Variants in RBM20 observed in about 807,000 individuals in gnomAD.
RBM20 encodes the protein RNA-binding protein 20.
RBM20 carries 51 observed loss-of-function variants against 110.1 expected under a neutral mutation model. That is an observed-to-expected ratio of 0.46 (90% CI 0.37 to 0.59). RBM20 has a LOEUF of 0.59. RBM20 is among the 20% of genes least tolerant of loss of function. The probability of loss-of-function intolerance (pLI) is 0.00; values close to 1 mark genes in which losing one functional copy is unlikely to be tolerated. For missense variants in RBM20, 1,512 were observed against 1,574.9 expected (o/e 0.96, Z 0.68); for synonymous variants, 589 against 618.2 (o/e 0.95, Z 0.70).
chr10:110,828,836 TG>T (rs147783873), intron 12 of RBM20, among the ~76,000 whole-genome samples: 6,662 of 152,244 alleles, frequency 0.044, 239 homozygotes, highest in African/African-American at 0.1. Flanking sequence ...TTTTGTTTTT[TG>T]TTTGTTTGTT....
intron 1 of RBM20, among the ~76,000 whole-genome samples, chr10:110,772,630 G>A (rs1226436108): frequency 6.6e-6 from 1 of 152,202 alleles, no homozygotes; most frequent in Non-Finnish European, 1.5e-5. Context: ...GCCTAGGTGT[G>A]TATGTACACT....
intron 7 of RBM20, among the ~76,000 whole-genome samples, chr10:110,805,216 T>C (rs1233635698): frequency 6.6e-6 from 1 of 152,122 alleles, no homozygotes; most frequent in Non-Finnish European, 1.5e-5. Flanking sequence ...AGAAGTTCCA[T>C]GGCAAAAGGC....
chr10:110,760,008 G>A, intron 1 of RBM20, among the ~76,000 whole-genome samples: 1 of 152,152 alleles, frequency 6.6e-6, no homozygotes, highest in East Asian at 1.9e-4. Flanking sequence ...GGTGGTGGGG[G>A]GCACAGGGGA....
chr10:110,646,581 G>A (rs10749040), intron 1 of RBM20, among the ~76,000 whole-genome samples: 150,291 of 152,322 alleles, frequency 0.99, 74,181 homozygotes, highest in East Asian at 1. Flanking sequence ...TGATGTTTGC[G>A]CACTGACGTT....
chr10:110,828,272 G>C (rs1845007287), intron 12 of RBM20, among the ~76,000 whole-genome samples: 1 of 152,196 alleles, frequency 6.6e-6, no homozygotes, highest in South Asian at 2.1e-4. Context: ...AATATGTCTT[G>C]ATGCTGCCTC....
intron 1 of RBM20, among the ~76,000 whole-genome samples, chr10:110,677,642 A>G (rs1456359237): frequency 6.6e-6 from 1 of 152,242 alleles, no homozygotes; most frequent in Non-Finnish European, 1.5e-5. Context: ...AAAGGGGACA[A>G]ATATTCAAAC....
chr10:110,821,631 G>A lies in RBM20; in HGVS notation c.3012G>A (p.Leu1004=), dbSNP rs1844911984. The A allele has an allele frequency of 6.4e-7, 1 of 1,551,716 alleles. No homozygotes were observed. The highest frequency in any genetic ancestry group is 2.4e-5 in the East Asian group (1 of 40,924). Residue 1004 remains leucine, a synonymous_variant, in exon 11 of 14, where the codon CTG becomes CTA. Coordinates refer to ENST00000369519, the MANE Select transcript of RBM20 (RefSeq NM_001134363.3). ...ACGTGGAAATGCCTGGCCTAAATCT[G>A]GATGCTGAGCGGAAGCCAGCTGAAA... ...DMDVEMPGLN[L]DAERKPAESE...
In RBM20 at chr10:110,820,072, G is replaced by A. The variant is rs376071070; in HGVS notation, c.2551G>A (p.Ala851Thr). Residue 851 changes from alanine (A) to threonine (T), a missense_variant and splice_region_variant, in exon 10 of 14, where the codon GCT (alanine) becomes ACT (threonine). This residue lies in a region of RBM20 where 1,149 missense variants were observed against 1,169.4 expected (regional missense o/e 0.98). Transcript: ENST00000369519. Reference sequence around the variant, plus strand: ...TTTGCTCTGTTCTTCCTTTGATAAGGCTGGAAAAGAGGAACAGGAGGGCAT... The same window carrying A: ...TTTGCTCTGTTCTTCCTTTGATAAGACTGGAAAAGAGGAACAGGAGGGCAT... The part of the protein sequence containing the change: ...RKENTMAENE[A>T]GKEEQEGMEE... 1.6e-4 allele frequency: 254 copies of A among 1,546,006 alleles called. No homozygotes were observed. Among genetic ancestry groups the A allele is most frequent in the Non-Finnish European group, 2.0e-4 (232 of 1,143,202 alleles).
At chr10:110,828,841 G>T (rs796924115) in intron 12 of RBM20, among the ~76,000 whole-genome samples, 40 of 152,080 alleles carry the variant, frequency 2.6e-4, no homozygotes, top group African/African-American at 9.4e-4. Flanking sequence ...TTTTTTGTTT[G>T]TTTGTTTGTT....
At chr10:110,722,064 T>C (rs1319045500) in intron 1 of RBM20, among the ~76,000 whole-genome samples, 1 of 152,154 alleles carries the variant, frequency 6.6e-6, no homozygotes, top group Non-Finnish European at 1.5e-5. Context: ...GATGATGTAG[T>C]TTAGAGCAAT....
chr10:110,794,234 A>G (rs915757069), intron 5 of RBM20, among the ~76,000 whole-genome samples: 1 of 152,250 alleles, frequency 6.6e-6, no homozygotes, highest in African/African-American at 2.4e-5. Context: ...TCTTGTATGA[A>G]TCATATATGG....
rs577194741 is a variant in RBM20, at chr10:110,810,397, C to T, written c.1815C>T (p.Ala605=). 9.9e-5 allele frequency: 154 copies of T among 1,551,460 alleles called. No homozygotes were observed. The highest frequency in any genetic ancestry group is 2.2e-4 in the African/African-American group (16 of 73,150). Residue 605 remains alanine, a synonymous_variant, in exon 8 of 14, where the codon GCC becomes GCT. Transcript: ENST00000369519. ...KELQLKKPGK[A]VAAIIQDIHS... is the part of the protein sequence containing the mutation. The stretch of plus-strand genomic sequence containing the variant: ...GACTTTGCTAGAAACCCGGGAAGGC[C>T]GTGGCTGCCATCATCCAGGACATCC...
intron 1 of RBM20, among the ~76,000 whole-genome samples, chr10:110,740,574 T>C (rs1843714575): frequency 6.6e-6 from 1 of 152,030 alleles, no homozygotes; most frequent in Non-Finnish European, 1.5e-5. Context: ...GCCCCTTCTC[T>C]CCTTCCCTTC....
intron 12 of RBM20, among the ~76,000 whole-genome samples, chr10:110,827,418 A>AC (rs1590705067): frequency 6.6e-6 from 1 of 151,536 alleles, no homozygotes; most frequent in Non-Finnish European, 1.5e-5. Flanking sequence ...AAAAAAAAAA[A>AC]CTCAGGATTT....
intron 12 of RBM20, among the ~76,000 whole-genome samples, chr10:110,823,964 T>A (rs1246624858): frequency 6.6e-6 from 1 of 151,776 alleles, no homozygotes; most frequent in Non-Finnish European, 1.5e-5. Flanking sequence ...TGGGCTTAAG[T>A]GATCCTCCTG....
chr10:110,748,643 G>A (rs1363119998), intron 1 of RBM20, among the ~76,000 whole-genome samples: 1 of 152,036 alleles, frequency 6.6e-6, no homozygotes, highest in Non-Finnish European at 1.5e-5. Context: ...ACGAGTTGTT[G>A]TGTCCCTGGA....
At chr10:110,680,215 T>C (rs554539425) in intron 1 of RBM20, among the ~76,000 whole-genome samples, 30 of 152,152 alleles carry the variant, frequency 2.0e-4, no homozygotes, top group Admixed American at 1.8e-3. Flanking sequence ...AAGTTCAAGT[T>C]TGGAGTGGGT....
At position 110,781,853 on chromosome 10, in the gene RBM20, G is replaced by A. The variant is rs748133931; in HGVS notation, c.1244G>A (p.Ser415Asn). ...VAPLHLPHIC[S>N]ICDKKVFDLK... Reference sequence around the variant, plus strand: ...CCCCTCCACTTGCCGCATATCTGTAGCATCTGTGACAAGAAGGTGTTTGAT... The same window carrying A: ...CCCCTCCACTTGCCGCATATCTGTAACATCTGTGACAAGAAGGTGTTTGAT... Residue 415 changes from serine (S) to asparagine (N), a missense_variant, in exon 2 of 14, where the codon AGC becomes AAC. Ser to Asn is a conservative substitution (Grantham distance 46). Transcript: ENST00000369519. 55 of 1,551,680 alleles carry A rather than the reference G, an allele frequency of 3.5e-5. No individual in the cohort carries two copies. Among genetic ancestry groups the A allele is most frequent in the Non-Finnish European group, 4.6e-5 (53 of 1,147,028 alleles).
At chr10:110,786,507 G>A (rs893310496) in intron 5 of RBM20, among the ~76,000 whole-genome samples, 1 of 152,262 alleles carries the variant, frequency 6.6e-6, no homozygotes, top group Non-Finnish European at 1.5e-5. Flanking sequence ...GATCTGTGAT[G>A]TTGAATAGGA....
Sources: allele counts gnomAD v4.1 joint callset (sites outside exome capture counted in the v4.1 genomes callset), GRCh38; gene constraint gnomAD v4.1.1; regional missense constraint gnomAD v4.1.1; transcripts MANE v1.5; gene names NCBI Gene and HGNC (gene_info 2026-07-23, HGNC 2026-07-21).